Variants in CSMD3 observed in about 807,000 individuals in gnomAD.
CSMD3 encodes CUB and Sushi multiple domains 3, also known as CUB and sushi domain-containing protein 3.
In CSMD3, 177 loss-of-function variants were observed where a neutral mutation model predicts 435.2. That is an observed-to-expected ratio of 0.41 (90% confidence interval 0.36 to 0.46). CSMD3 has a LOEUF of 0.46. Ranked by LOEUF, CSMD3 falls within the 20% of genes least tolerant of loss-of-function variation. The pLI, the probability that CSMD3 is intolerant of heterozygous loss-of-function variation, is 0.34. For missense variants in CSMD3, 4,265 were observed against 4,504.6 expected, an observed-to-expected ratio of 0.95 and a Z score of 1.52; for synonymous variants, 1,656 against 1,520.5, an observed-to-expected ratio of 1.09 and a Z score of -2.07.
At chr8:113,128,146 T>C (rs1218365661) in intron 4 of CSMD3, among the ~76,000 whole-genome samples, 2 of 152,142 alleles carry the variant, frequency 1.3e-5, no homozygotes, top group Non-Finnish European at 1.5e-5. Flanking sequence ...TTTTTGTAAT[T>C]ATGTGTTGTT....
chr8:112,706,105 T>G (rs999937445), intron 13 of CSMD3, among the ~76,000 whole-genome samples: 1 of 152,090 alleles, frequency 6.6e-6, no homozygotes, highest in African/African-American at 2.4e-5. Context: ...GCACTTTCAT[T>G]GTAAAAATCT....
chr8:113,061,560 T>C (rs2088612492), intron 5 of CSMD3, among the ~76,000 whole-genome samples: 1 of 152,118 alleles, frequency 6.6e-6, no homozygotes, highest in Non-Finnish European at 1.5e-5. Flanking sequence ...AAGGTATACA[T>C]GGAATTCACT....
chr8:112,636,748 G>T (rs2074671085), intron 22 of CSMD3, 69 bp downstream of exon 22: 2 of 1,248,342 alleles, frequency 1.6e-6, no homozygotes, highest in South Asian at 1.2e-5. Context: ...AAAGAACGAA[G>T]GGTGTAACCA....
intron 5 of CSMD3, among the ~76,000 whole-genome samples, chr8:113,050,345 T>G (rs1193446862): frequency 6.6e-6 from 1 of 152,058 alleles, no homozygotes; most frequent in Non-Finnish European, 1.5e-5. Flanking sequence ...CTATCACATT[T>G]AAGATGCTCA....
At chr8:112,364,179 A>G (rs572803022) in intron 38 of CSMD3, among the ~76,000 whole-genome samples, 15 of 152,162 alleles carry the variant, frequency 9.9e-5, no homozygotes, top group Middle Eastern at 6.8e-3. Flanking sequence ...AGATAGAGTC[A>G]AATGGATACA....
chr8:112,530,005 C>T (rs944363267), intron 27 of CSMD3, among the ~76,000 whole-genome samples: 1 of 151,886 alleles, frequency 6.6e-6, no homozygotes, highest in South Asian at 2.1e-4. Flanking sequence ...GGCTGAAGAA[C>T]ACAATAACTA....
chr8:112,449,785 C>T (rs1463974410), intron 32 of CSMD3, among the ~76,000 whole-genome samples: 1 of 152,160 alleles, frequency 6.6e-6, no homozygotes, highest in Non-Finnish European at 1.5e-5. Flanking sequence ...TGCAGTGGCA[C>T]GATCTCGGCT....
chr8:113,005,499 A>G (rs1232963027), intron 6 of CSMD3, among the ~76,000 whole-genome samples: 1 of 152,012 alleles, frequency 6.6e-6, no homozygotes, highest in African/African-American at 2.4e-5. Context: ...AAAAAAATGT[A>G]ACATCAAAAT....
intron 18 of CSMD3, among the ~76,000 whole-genome samples, chr8:112,654,015 G>A (rs182151749): frequency 8.4e-4 from 120 of 142,722 alleles, no homozygotes; most frequent in African/African-American, 3.1e-3. Context: ...AGATAGAATG[G>A]GGTAAAAAAA....
At chr8:113,065,449 C>T (rs959360721) in intron 5 of CSMD3, among the ~76,000 whole-genome samples, 3 of 151,958 alleles carry the variant, frequency 2.0e-5, no homozygotes, top group South Asian at 4.1e-4. Context: ...TGCAGTGGCG[C>T]GATCTCGGTT....
intron 6 of CSMD3, among the ~76,000 whole-genome samples, chr8:113,015,825 G>T (rs527900385): frequency 6.6e-6 from 1 of 151,862 alleles, no homozygotes; most frequent in Admixed American, 6.6e-5. Context: ...AAATGGAAAA[G>T]AATAGAGTTT....
At chr8:113,379,598 TAGAA>T (rs956870982) in intron 1 of CSMD3, among the ~76,000 whole-genome samples, 1 of 152,102 alleles carries the variant, frequency 6.6e-6, no homozygotes, top group Non-Finnish European at 1.5e-5. Context: ...GTAATAAAAA[TAGAA>T]AGAAAGTGGC....
At chr8:113,084,054 T>G (rs1296171994) in intron 5 of CSMD3, among the ~76,000 whole-genome samples, 2 of 152,176 alleles carry the variant, frequency 1.3e-5, no homozygotes, top group African/African-American at 4.8e-5. Flanking sequence ...CACAAGTATA[T>G]GTAGCCTAGA....
intron 3 of CSMD3, among the ~76,000 whole-genome samples, chr8:113,219,594 T>C (rs1213134007): frequency 6.6e-6 from 1 of 151,456 alleles, no homozygotes; most frequent in Non-Finnish European, 1.5e-5. Context: ...AGAAGATGGA[T>C]AGCTATTTAG....
chr8:113,286,437 T>G (rs1386968444), intron 2 of CSMD3, among the ~76,000 whole-genome samples: 1 of 152,250 alleles, frequency 6.6e-6, no homozygotes, highest in East Asian at 1.9e-4. Context: ...CCATTTAAAA[T>G]GTCAATGAAT....
chr8:112,659,568 T>C (rs931414332), intron 17 of CSMD3, among the ~76,000 whole-genome samples: 1 of 152,116 alleles, frequency 6.6e-6, no homozygotes, highest in Non-Finnish European at 1.5e-5. Flanking sequence ...TTCAGGGAGC[T>C]GAGGATAGGA....
intron 1 of CSMD3, among the ~76,000 whole-genome samples, chr8:113,364,300 G>A (rs2094297382): frequency 6.6e-6 from 1 of 151,890 alleles, no homozygotes; most frequent in African/African-American, 2.4e-5. Flanking sequence ...CATGGGGACA[G>A]GAACAGGGAT....
intron 10 of CSMD3, among the ~76,000 whole-genome samples, chr8:112,859,467 T>G (rs1282865996): frequency 6.6e-6 from 1 of 151,816 alleles, no homozygotes; most frequent in Non-Finnish European, 1.5e-5. Flanking sequence ...ATTTTCAACA[T>G]TAATGGAAAA....
chr8:113,268,481 G>A (rs760261063), intron 3 of CSMD3, among the ~76,000 whole-genome samples: 3 of 151,578 alleles, frequency 2.0e-5, no homozygotes, highest in Non-Finnish European at 2.9e-5. Flanking sequence ...GACATAATAA[G>A]GAAAACTAGA....
Sources: gnomAD v4.1 joint callset for allele counts (sites outside exome capture counted in the v4.1 genomes callset) on GRCh38, gnomAD v4.1.1 for gene constraint, MANE v1.5 for transcripts, NCBI Gene and HGNC (gene_info 2026-07-23, HGNC 2026-07-21) for gene names.